Variants in GRIA1 observed in about 807,000 individuals in gnomAD.
GRIA1 encodes the protein glutamate receptor 1.
A neutral mutation model predicts 99.2 loss-of-function variants in GRIA1; 31 were observed. The ratio of observed to expected loss-of-function variants is 0.31; its 90% CI spans 0.23 to 0.42. GRIA1 has a LOEUF of 0.42. Among genes scored for constraint, GRIA1 ranks in the 10% least tolerant of loss-of-function variants. The pLI, the probability that GRIA1 is intolerant of heterozygous loss-of-function variation, is 1.00. For synonymous variants in GRIA1, 438 were observed against 432.4 expected (o/e 1.01, Z -0.16); for missense variants, 782 against 1,157.5 (o/e 0.68, Z 4.71).
intron 11 of GRIA1, among the ~76,000 whole-genome samples, chr5:153,738,376 C>T (rs6897016): frequency 0.53 from 80,669 of 151,932 alleles, 22,465 homozygotes; most frequent in East Asian, 0.94. Flanking sequence ...ACTCTGGACA[C>T]AGACTGTGTG....
At chr5:153,641,884 C>T (rs1753798558) in intron 2 of GRIA1, among the ~76,000 whole-genome samples, 1 of 152,168 alleles carries the variant, frequency 6.6e-6, no homozygotes, top group Non-Finnish European at 1.5e-5. Flanking sequence ...GTCAGTCTCT[C>T]CCATTGTCAA....
chr5:153,522,426 C>T (rs1380647461), intron 2 of GRIA1, among the ~76,000 whole-genome samples: 1 of 151,982 alleles, frequency 6.6e-6, no homozygotes, highest in Non-Finnish European at 1.5e-5. Flanking sequence ...GTGGTCTGAC[C>T]GTAGAGCTCA....
At chr5:153,639,249 A>T (rs1358391303) in intron 2 of GRIA1, among the ~76,000 whole-genome samples, 1 of 152,204 alleles carries the variant, frequency 6.6e-6, no homozygotes, top group Non-Finnish European at 1.5e-5. Flanking sequence ...GGCCAAAGTG[A>T]TGCTAGAGCC....
intron 5 of GRIA1, among the ~76,000 whole-genome samples, chr5:153,669,377 A>G (rs1755983156): frequency 6.6e-6 from 1 of 152,200 alleles, no homozygotes; most frequent in Non-Finnish European, 1.5e-5. Flanking sequence ...CTTATAAGCA[A>G]TGCTTCTGAA....
At chr5:153,507,989 A>G (rs1451728891) in intron 2 of GRIA1, among the ~76,000 whole-genome samples, 2 of 152,184 alleles carry the variant, frequency 1.3e-5, no homozygotes, top group African/African-American at 2.4e-5. Context: ...CCCACTCTCT[A>G]CTAAACCCTG....
chr5:153,757,303 A>T (rs1002816949), intron 11 of GRIA1, among the ~76,000 whole-genome samples: 3 of 152,196 alleles, frequency 2.0e-5, no homozygotes, highest in Non-Finnish European at 2.9e-5. Context: ...GAATCTATGG[A>T]ATAGCATCAA....
rs146037362 is a variant in GRIA1 at position 153,569,474 on chromosome 5, G to A, written c.220+75409G>A. On this transcript the variant is annotated intron_variant, in intron 2 of 15. Coordinates refer to ENST00000285900, the MANE Select transcript of GRIA1 (RefSeq NM_000827.4). ...ATTCTGTGGGACCAAGCTCTGTTCC[G>A]GGTGTCAGAACAATAGGTATCCCTC... Among the ~76,000 whole-genome samples, 5 of 152,302 alleles carry A rather than the reference G, an allele frequency of 3.3e-5. No individual in the cohort carries two copies. In the East Asian group the frequency reaches 9.6e-4, roughly 29 times the overall value.
chr5:153,783,125 T>G (rs1469143144), intron 13 of GRIA1, among the ~76,000 whole-genome samples: 1 of 152,140 alleles, frequency 6.6e-6, no homozygotes, highest in Non-Finnish European at 1.5e-5. Flanking sequence ...CCCTGTGTAT[T>G]TAAAAGTCCA....
intron 5 of GRIA1, among the ~76,000 whole-genome samples, chr5:153,666,736 G>A (rs573113637): frequency 1.3e-5 from 2 of 152,310 alleles, no homozygotes; most frequent in East Asian, 3.9e-4. Context: ...AGGATTAAAT[G>A]AGATAACACA....
At chr5:153,787,444 A>G (rs1283596115) in intron 13 of GRIA1, among the ~76,000 whole-genome samples, 1 of 152,138 alleles carries the variant, frequency 6.6e-6, no homozygotes, top group Non-Finnish European at 1.5e-5. Flanking sequence ...ACCCACAACC[A>G]TCATCTCCCT....
At position 153,494,298 on chromosome 5, in the gene GRIA1, T is replaced by C. The variant is rs1754207150; in HGVS notation, c.220+233T>C. 8 of 518,738 alleles carry C rather than the reference T, an allele frequency of 1.5e-5. No individual in the cohort carries two copies. In the East Asian group the frequency reaches 2.3e-4, roughly 15 times the overall value. The allele number at this position is 518,738 out of a possible 1,614,324, so 32.1% of individuals were successfully genotyped here. On this transcript the variant is annotated intron_variant, in intron 2 of 15. Coordinates refer to ENST00000285900, the MANE Select transcript of GRIA1 (RefSeq NM_000827.4). Reference sequence around the variant, plus strand: ...CTTTTTCACTGTCAGCTAACTTTAATGCCAGCACGATGGGTGCTTGGGTTG... The same window carrying C: ...CTTTTTCACTGTCAGCTAACTTTAACGCCAGCACGATGGGTGCTTGGGTTG...
At chr5:153,771,301 G>T (rs1240276901) in intron 13 of GRIA1, among the ~76,000 whole-genome samples, 1 of 152,170 alleles carries the variant, frequency 6.6e-6, no homozygotes, top group South Asian at 2.1e-4. Context: ...TAAATCATTT[G>T]GGGGAAGAGT....
intron 2 of GRIA1, among the ~76,000 whole-genome samples, chr5:153,582,672 G>A (rs1186924166): frequency 1.3e-5 from 2 of 152,160 alleles, no homozygotes; most frequent in African/African-American, 4.8e-5. Context: ...GCTAGAGTCT[G>A]GAATCAAAGA....
At chr5:153,797,396 C>A (rs948462973) in intron 14 of GRIA1, among the ~76,000 whole-genome samples, 16 of 152,190 alleles carry the variant, frequency 1.1e-4, no homozygotes, top group African/African-American at 3.9e-4. Context: ...TCTAACACTG[C>A]CCTAGAGGAA....
intron 2 of GRIA1, among the ~76,000 whole-genome samples, chr5:153,545,692 C>G (rs556455680): frequency 6.6e-6 from 1 of 152,078 alleles, no homozygotes; most frequent in African/African-American, 2.4e-5. Context: ...ATTTTGTGAG[C>G]CATACGGTCT....
upstream of GRIA1, chr5:153,489,862 A>G (rs760696745): frequency 2.2e-6 from 1 of 456,582 alleles, no homozygotes; most frequent in Admixed American, 2.3e-5. Context: ...TCTTTATTGT[A>G]CACCCACACG....
At chr5:153,677,343 A>T (rs1195653142) in intron 7 of GRIA1, among the ~76,000 whole-genome samples, 182 bp downstream of exon 7, 1 of 151,982 alleles carries the variant, frequency 6.6e-6, no homozygotes, top group Non-Finnish European at 1.5e-5. Flanking sequence ...AAAAAAAATG[A>T]TATGGAACAG....
At chr5:153,650,164 T>G (rs918398419) in intron 3 of GRIA1, among the ~76,000 whole-genome samples, 166 bp from the exon 4 acceptor site, 1 of 152,198 alleles carries the variant, frequency 6.6e-6, no homozygotes, top group Non-Finnish European at 1.5e-5. Context: ...AAACACAGTG[T>G]CTGATCTCAC....
At chr5:153,635,287 G>A (rs556300073) in intron 2 of GRIA1, among the ~76,000 whole-genome samples, 29 of 152,290 alleles carry the variant, frequency 1.9e-4, no homozygotes, top group Middle Eastern at 3.4e-3. Context: ...TGTTCCTTGC[G>A]GTAGTGGTTC....
Sources: allele counts gnomAD v4.1 joint callset (sites outside exome capture counted in the v4.1 genomes callset), GRCh38; gene constraint gnomAD v4.1.1; transcripts MANE v1.5; gene names NCBI Gene and HGNC (gene_info 2026-07-23, HGNC 2026-07-21).